The following OXR1 variants were observed in gnomAD, a reference collection of about 807,000 sequenced individuals.
OXR1 encodes oxidation resistance 1, also known as oxidation resistance protein 1.
OXR1 carries 41 observed loss-of-function variants against 104.6 expected under a neutral mutation model. The ratio of observed to expected loss-of-function variants is 0.39; its 90% CI spans 0.31 to 0.51. OXR1 has a LOEUF of 0.51. Ranked by LOEUF, OXR1 falls within the 20% of genes least tolerant of loss-of-function variation. OXR1 has a pLI of 0.77. For synonymous variants in OXR1, 348 were observed against 348.4 expected (o/e 1.00, Z 0.01); for missense variants, 955 against 1,031.9 (o/e 0.93, Z 1.02).
intron 3 of OXR1, among the ~76,000 whole-genome samples, chr8:106,579,003 G>A (rs1004096781): frequency 2.2e-5 from 1 of 46,104 alleles, no homozygotes; most frequent in Non-Finnish European, 4.5e-5. Context: ...TTTTTTTTTT[G>A]CCTAGTATGA....
chr8:106,647,798 C>T (rs1824210698), intron 3 of OXR1, among the ~76,000 whole-genome samples: 1 of 152,188 alleles, frequency 6.6e-6, no homozygotes, highest in African/African-American at 2.4e-5. Context: ...CCAACCCTAA[C>T]ATTTCTATCT....
intron 3 of OXR1, among the ~76,000 whole-genome samples, chr8:106,624,153 T>C (rs1326687011): frequency 2.6e-5 from 4 of 152,224 alleles, no homozygotes; most frequent in Non-Finnish European, 5.9e-5. Context: ...ACTCTGAACT[T>C]ACTTTCATTG....
chr8:106,577,105 C>A (rs1346401845), intron 3 of OXR1, among the ~76,000 whole-genome samples: 1 of 152,068 alleles, frequency 6.6e-6, no homozygotes, highest in Admixed American at 6.5e-5. Context: ...AACAATTAAA[C>A]TACAGTATTT....
In OXR1 at chr8:106,752,612, A is replaced by G. The variant is rs1191602079; in HGVS notation, c.*1671A>G. The G allele has an allele frequency of 2.0e-5, 3 of 152,504 alleles. No homozygotes were observed. The highest frequency in any genetic ancestry group is 6.6e-5 in the Admixed American group (1 of 15,258). The allele number at this position is 152,504 out of a possible 1,614,324, so 9.4% of individuals were successfully genotyped here. ...TGTCTTTGTGGAGTTGACTAATGAT[A>G]ATTTAAAAATCCTGTAATGGATTTC... is the stretch of plus-strand genomic sequence containing the variant. On this transcript the variant is annotated 3_prime_UTR_variant, in exon 17 of 17. Transcript: ENST00000517566.
chr8:106,521,594 C>A (rs1813266017), intron 3 of OXR1, among the ~76,000 whole-genome samples: 1 of 152,138 alleles, frequency 6.6e-6, no homozygotes, highest in Non-Finnish European at 1.5e-5. Flanking sequence ...CTCACTGCAA[C>A]CTCCACCTCC....
At chr8:106,320,324 G>C (rs573157041) in intron 1 of OXR1, among the ~76,000 whole-genome samples, 1 of 152,032 alleles carries the variant, frequency 6.6e-6, no homozygotes, top group Admixed American at 6.6e-5. Context: ...TCTCCTTGTC[G>C]TAGACTTAGG....
rs1049464 is a variant in OXR1 at position 106,752,101 on chromosome 8, G to A, written c.*1160G>A. 5 of 152,492 alleles carry A rather than the reference G, an allele frequency of 3.3e-5. No individual in the cohort carries two copies. The highest frequency in any genetic ancestry group is 7.4e-5 in the Non-Finnish European group (5 of 67,944). The allele number at this position is 152,492 out of a possible 1,614,324, so 9.4% of individuals were successfully genotyped here. A position where few individuals can be genotyped will look rare whatever the true frequency, so the allele number is the denominator to read the frequency against. On this transcript the variant is annotated 3_prime_UTR_variant, in exon 17 of 17. Transcript: ENST00000517566. ...TAGCCATTGTGGCAATAATTCATCA[G>A]TTGATTTTAAAGCTTCATGTTATGC...
intron 3 of OXR1, among the ~76,000 whole-genome samples, chr8:106,551,858 A>ATGTGTGTGTGTGTG (rs1428718280): frequency 1.1e-5 from 1 of 94,246 alleles, no homozygotes; most frequent in African/African-American, 4.3e-5. Flanking sequence ...ATGTGTATAT[A>ATGTGTGTGTGTGTG]TATGTGTGTG....
intron 2 of OXR1, among the ~76,000 whole-genome samples, chr8:106,499,286 A>C (rs1286048754): frequency 1.3e-5 from 2 of 151,946 alleles, no homozygotes; most frequent in African/African-American, 4.8e-5. Context: ...CTAAATTACT[A>C]TTTTTCTATT....
chr8:106,554,269 C>T (rs965993250), intron 3 of OXR1, among the ~76,000 whole-genome samples: 2 of 152,206 alleles, frequency 1.3e-5, no homozygotes, highest in Non-Finnish European at 2.9e-5. Flanking sequence ...CCAGTTTAAT[C>T]CTGAGAAAAC....
At chr8:106,413,561 A>G (rs1818547273) in intron 2 of OXR1, among the ~76,000 whole-genome samples, 2 of 152,142 alleles carry the variant, frequency 1.3e-5, no homozygotes, top group African/African-American at 4.8e-5. Context: ...TAGTAGGTTA[A>G]GGGTCAATAA....
chr8:106,302,909 G>A (rs1412157201), intron 1 of OXR1, among the ~76,000 whole-genome samples: 1 of 151,524 alleles, frequency 6.6e-6, no homozygotes, highest in East Asian at 2.0e-4. Flanking sequence ...CCGCCACCAG[G>A]CCCGGCTAAT....
intron 1 of OXR1, among the ~76,000 whole-genome samples, chr8:106,314,931 G>C (rs1813864058): frequency 6.6e-6 from 1 of 152,136 alleles, no homozygotes; most frequent in Admixed American, 6.5e-5. Flanking sequence ...TTTAACAGTA[G>C]TGCTTAGTGA....
chr8:106,693,278 A>G (rs1478941994), intron 7 of OXR1, among the ~76,000 whole-genome samples: 3 of 152,102 alleles, frequency 2.0e-5, no homozygotes, highest in Admixed American at 6.6e-5. Flanking sequence ...AGGTATCTTA[A>G]TTATTTTATC....
At chr8:106,316,996 G>T (rs2130162075) in intron 1 of OXR1, among the ~76,000 whole-genome samples, 1 of 152,130 alleles carries the variant, frequency 6.6e-6, no homozygotes, top group South Asian at 2.1e-4. Context: ...TCAGCCTCCT[G>T]AGTAGCTGGG....
chr8:106,623,429 T>C (rs1216598095), intron 3 of OXR1, among the ~76,000 whole-genome samples: 2 of 151,750 alleles, frequency 1.3e-5, no homozygotes, highest in East Asian at 1.9e-4. Flanking sequence ...AATGAAAACA[T>C]GCATTGAATG....
chr8:106,615,349 A>G lies in OXR1; in HGVS notation c.221-63861A>G, dbSNP rs549870724. ...CAGGAGGCTGAGGCAGGAGAATCACATGAACTCAGGAGGTAGATGTTGCAG... is the reference window on the plus strand; with the variant it reads ...CAGGAGGCTGAGGCAGGAGAATCACGTGAACTCAGGAGGTAGATGTTGCAG... On this transcript the variant is annotated intron_variant, in intron 3 of 16. Transcript: ENST00000517566. Among the ~76,000 whole-genome samples, 5 of 151,968 alleles carry G rather than the reference A, an allele frequency of 3.3e-5. No individual in the cohort carries two copies. In the South Asian group the frequency reaches 6.2e-4, roughly 19 times the overall value.
intron 2 of OXR1, among the ~76,000 whole-genome samples, chr8:106,443,720 G>A (rs926673969): frequency 1.3e-5 from 2 of 152,088 alleles, no homozygotes; most frequent in Non-Finnish European, 2.9e-5. Context: ...TAAGAGACTA[G>A]GATTGCAACC....
intron 3 of OXR1, among the ~76,000 whole-genome samples, chr8:106,628,565 TTAAA>T (rs376168975): frequency 6.6e-5 from 10 of 152,326 alleles, no homozygotes; most frequent in African/African-American, 2.2e-4. Flanking sequence ...TTCCATTTGA[TTAAA>T]TATTCATTTT....
Sources: gnomAD v4.1 joint callset for allele counts (sites outside exome capture counted in the v4.1 genomes callset) on GRCh38, gnomAD v4.1.1 for gene constraint, MANE v1.5 for transcripts, NCBI Gene and HGNC (gene_info 2026-07-23, HGNC 2026-07-21) for gene names.